Variants in FAM171A1 observed in about 807,000 individuals in gnomAD.
FAM171A1 encodes family with sequence similarity 171 member A1.
In FAM171A1, 23 loss-of-function variants were observed where a neutral mutation model predicts 74.9. The observed-to-expected ratio is 0.31, with a 90% confidence interval of 0.22 to 0.44. The LOEUF is 0.44. Among genes scored for constraint, FAM171A1 ranks in the 20% least tolerant of loss-of-function variants. The probability of loss-of-function intolerance (pLI) is 1.00; values close to 1 mark genes in which losing one functional copy is unlikely to be tolerated. For missense variants in FAM171A1, 1,162 were observed against 1,159.2 expected, an observed-to-expected ratio of 1.00 and a Z score of -0.03; for synonymous variants, 527 against 505.7, an observed-to-expected ratio of 1.04 and a Z score of -0.57.
At chr10:15,311,644 C>T (rs1588547417) in intron 1 of FAM171A1, among the ~76,000 whole-genome samples, 1 of 151,924 alleles carries the variant, frequency 6.6e-6, no homozygotes, top group African/African-American at 2.4e-5. Context: ...TCTTCCCGCC[C>T]CACAGCCCCC....
At chr10:15,346,878 T>C (rs2131875743) in intron 1 of FAM171A1, among the ~76,000 whole-genome samples, 1 of 152,268 alleles carries the variant, frequency 6.6e-6, no homozygotes, top group Non-Finnish European at 1.5e-5. Flanking sequence ...AAAAAGCCAC[T>C]GGAGAATTCC....
chr10:15,352,231 C>A (rs767802378), intron 1 of FAM171A1, among the ~76,000 whole-genome samples: 1 of 151,418 alleles, frequency 6.6e-6, no homozygotes, highest in Non-Finnish European at 1.5e-5. Flanking sequence ...AGAACAGGAC[C>A]CTGACTCAAA....
intron 3 of FAM171A1, among the ~76,000 whole-genome samples, chr10:15,264,359 T>C (rs1380706109): frequency 6.6e-6 from 1 of 152,102 alleles, no homozygotes; most frequent in Non-Finnish European, 1.5e-5. Flanking sequence ...GCAACAAAAC[T>C]GGCCGGGCAT....
rs746531534 is a variant in FAM171A1, at chr10:15,220,897, AC to A, written c.871+46del. ...GCATACTTAGCCTGAACCCTCAAAG[AC>A]CAAAGCAACTGATCCGCATCATCGC... On this transcript the variant is annotated intron_variant, in intron 6 of 7. Transcript: ENST00000378116. 9.0e-6 allele frequency: 13 copies of A among 1,443,252 alleles called. No individual in the cohort carries two copies. In the African/African-American group the frequency reaches 1.8e-4, roughly 20 times the overall value. The allele number at this position is 1,443,252 out of a possible 1,614,324, so 89.4% of individuals were successfully genotyped here.
chr10:15,298,631 A>C (rs1835189676), intron 1 of FAM171A1, among the ~76,000 whole-genome samples: 1 of 152,240 alleles, frequency 6.6e-6, no homozygotes, highest in African/African-American at 2.4e-5. Flanking sequence ...GGCTCCAAAA[A>C]ACAAAAGCAA....
At chr10:15,302,411 G>A (rs977358966) in intron 1 of FAM171A1, among the ~76,000 whole-genome samples, 4 of 150,868 alleles carry the variant, frequency 2.7e-5, no homozygotes, top group Non-Finnish European at 4.4e-5. Flanking sequence ...GTCGCAGTGC[G>A]CCGAAATTGC....
At chr10:15,339,582 A>G (rs1013961319) in intron 1 of FAM171A1, among the ~76,000 whole-genome samples, 8 of 152,170 alleles carry the variant, frequency 5.3e-5, no homozygotes, top group African/African-American at 1.9e-4. Context: ...ATGACATCAT[A>G]TCTAGGGTCC....
chr10:15,353,950 A>G (rs543657638), intron 1 of FAM171A1, among the ~76,000 whole-genome samples: 1 of 152,380 alleles, frequency 6.6e-6, no homozygotes, highest in African/African-American at 2.4e-5. Context: ...GGCCGTGGGC[A>G]TGCACGCTCA....
At chr10:15,348,807 C>T (rs753353087) in intron 1 of FAM171A1, among the ~76,000 whole-genome samples, 77 of 152,186 alleles carry the variant, frequency 5.1e-4, no homozygotes, top group Admixed American at 3.3e-4. Context: ...AATTGCTGCC[C>T]CATTCCAAAA....
At chr10:15,304,403 C>T (rs963200102) in intron 1 of FAM171A1, among the ~76,000 whole-genome samples, 2 of 152,090 alleles carry the variant, frequency 1.3e-5, no homozygotes, top group Non-Finnish European at 2.9e-5. Context: ...CAGCCACATC[C>T]CCTAGGGGCT....
intron 1 of FAM171A1, among the ~76,000 whole-genome samples, chr10:15,354,002 C>T (rs954349860): frequency 2.6e-5 from 4 of 152,198 alleles, no homozygotes; most frequent in East Asian, 1.9e-4. Flanking sequence ...CACAATCACA[C>T]GGCAACTCAG....
chr10:15,292,766 G>T (rs1284354024), intron 1 of FAM171A1, among the ~76,000 whole-genome samples: 1 of 152,098 alleles, frequency 6.6e-6, no homozygotes, highest in Non-Finnish European at 1.5e-5. Context: ...GATTACAGGG[G>T]TGAGCCACTG....
intron 3 of FAM171A1, among the ~76,000 whole-genome samples, chr10:15,266,297 A>T (rs1417827574): frequency 6.6e-6 from 1 of 152,106 alleles, no homozygotes; most frequent in Non-Finnish European, 1.5e-5. Flanking sequence ...CACACTATGG[A>T]CTGGTTACCC....
At chr10:15,313,223 CA>C (rs1246457871) in intron 1 of FAM171A1, among the ~76,000 whole-genome samples, 3 of 152,344 alleles carry the variant, frequency 2.0e-5, no homozygotes, top group African/African-American at 7.2e-5. Flanking sequence ...TGCTTTGCAG[CA>C]GTAAACCTCC....
At chr10:15,339,272 A>G (rs887463482) in intron 1 of FAM171A1, among the ~76,000 whole-genome samples, 1 of 152,186 alleles carries the variant, frequency 6.6e-6, no homozygotes, top group Non-Finnish European at 1.5e-5. Context: ...ATATGGATGT[A>G]TTATTATTAA....
chr10:15,262,186 G>A (rs1834666450), intron 3 of FAM171A1, among the ~76,000 whole-genome samples: 1 of 152,174 alleles, frequency 6.6e-6, no homozygotes, highest in African/African-American at 2.4e-5. Context: ...TACCGGTAGG[G>A]AAGTGAAAGA....
chr10:15,305,830 A>G (rs1332992624), intron 1 of FAM171A1, among the ~76,000 whole-genome samples: 1 of 152,194 alleles, frequency 6.6e-6, no homozygotes, highest in Non-Finnish European at 1.5e-5. Flanking sequence ...ACCCATGGTG[A>G]AAGTCCAGCC....
chr10:15,296,264 T>C (rs993188200), intron 1 of FAM171A1, among the ~76,000 whole-genome samples: 6 of 152,184 alleles, frequency 3.9e-5, no homozygotes, highest in African/African-American at 1.4e-4. Context: ...ACCCAAAATT[T>C]AGCCAATCAT....
At chr10:15,280,153 A>T (rs1834949107) in intron 2 of FAM171A1, among the ~76,000 whole-genome samples, 1 of 152,120 alleles carries the variant, frequency 6.6e-6, no homozygotes, top group African/African-American at 2.4e-5. Flanking sequence ...ACAGGGTAGA[A>T]ATGGCAGACT....
Sources: allele counts gnomAD v4.1 joint callset (sites outside exome capture counted in the v4.1 genomes callset), GRCh38; gene constraint gnomAD v4.1.1; transcripts MANE v1.5; gene names NCBI Gene and HGNC (gene_info 2026-07-23, HGNC 2026-07-21).